MTDH: variants seen among roughly 807,000 people sequenced by gnomAD.
MTDH encodes the protein metadherin, also known as protein LYRIC.
In MTDH, 34 loss-of-function variants were observed where a neutral mutation model predicts 72.7. That is an observed-to-expected ratio of 0.47 (90% CI 0.36 to 0.62). The LOEUF is 0.62. Ranked by LOEUF, MTDH falls within the 20% of genes least tolerant of loss-of-function variation. The pLI is 0.00. For synonymous variants in MTDH, 266 were observed against 268.9 expected (o/e 0.99, Z 0.10); for missense variants, 677 against 699.4 (o/e 0.97, Z 0.36).
intron 6 of MTDH, among the ~76,000 whole-genome samples, chr8:97,695,892 T>A (rs1460845213): frequency 6.6e-6 from 1 of 152,200 alleles, no homozygotes; most frequent in Non-Finnish European, 1.5e-5. Context: ...ATAATGCAGC[T>A]TGGTATAGTG....
intron 7 of MTDH, among the ~76,000 whole-genome samples, chr8:97,700,453 C>G (rs1563556798): frequency 6.6e-6 from 1 of 152,008 alleles, no homozygotes; most frequent in Non-Finnish European, 1.5e-5. Context: ...CTTATATGTT[C>G]CCTGTGGGGT....
chr8:97,667,319 T>C (rs2130947723), intron 2 of MTDH, among the ~76,000 whole-genome samples: 1 of 152,374 alleles, frequency 6.6e-6, no homozygotes, highest in Non-Finnish European at 1.5e-5. Context: ...AAAATGCTAG[T>C]TTCACTTGAG....
Position 97,689,022 on chromosome 8 carries a change from T to C in MTDH, c.746-16T>C. On this transcript the variant is annotated splice_polypyrimidine_tract_variant and intron_variant, in intron 4 of 11. Transcript: ENST00000336273. ...CCTATTTAGTATTAAATAAATTTTA[T>C]TTCTATTTTAACCAGGTGATTCTCA... 7.0e-7 allele frequency: 1 copy of C among 1,435,950 alleles called. No homozygotes were observed. The highest frequency in any genetic ancestry group is 9.6e-7 in the Non-Finnish European group (1 of 1,038,570). The allele number at this position is 1,435,950 out of a possible 1,614,324, so 89.0% of individuals were successfully genotyped here.
chr8:97,726,185 A>G lies in MTDH; in HGVS notation c.*1515A>G, dbSNP rs1039888693. ...TTATTAATGGACAGCTTTCCTAACAAGAGATTATTAACTTTTATCAGGTGT... is the reference window on the plus strand; with the variant it reads ...TTATTAATGGACAGCTTTCCTAACAGGAGATTATTAACTTTTATCAGGTGT... On this transcript the variant is annotated 3_prime_UTR_variant, in exon 12 of 12. Transcript: ENST00000336273. 6.5e-6 allele frequency: 1 copy of G among 152,680 alleles called. No homozygotes were observed. Among genetic ancestry groups the G allele is most frequent in the Admixed American group, 6.5e-5 (1 of 15,278 alleles). The allele number at this position is 152,680 out of a possible 1,614,324, so 9.5% of individuals were successfully genotyped here. A position where few individuals can be genotyped will look rare whatever the true frequency, so the allele number is the denominator to read the frequency against.
At chr8:97,647,770 C>G (rs888367803) in intron 1 of MTDH, among the ~76,000 whole-genome samples, 1 of 152,098 alleles carries the variant, frequency 6.6e-6, no homozygotes, top group Non-Finnish European at 1.5e-5. Context: ...TGCAATGAGT[C>G]ACTTTGAATG....
intron 3 of MTDH, among the ~76,000 whole-genome samples, chr8:97,687,165 G>A (rs992160806): frequency 6.6e-6 from 1 of 151,968 alleles, no homozygotes; most frequent in African/African-American, 2.4e-5. Context: ...TAGACAAGAT[G>A]ACTTATATAT....
At chr8:97,663,575 C>T (rs888426041) in intron 2 of MTDH, among the ~76,000 whole-genome samples, 5 of 151,660 alleles carry the variant, frequency 3.3e-5, no homozygotes, top group Middle Eastern at 3.2e-3. Flanking sequence ...GGTGAAACCC[C>T]GTCTCTACTA....
intron 6 of MTDH, among the ~76,000 whole-genome samples, chr8:97,698,982 AT>A (rs1480065623): frequency 6.6e-6 from 1 of 151,666 alleles, no homozygotes; most frequent in Non-Finnish European, 1.5e-5. Flanking sequence ...TCTACGAAAA[AT>A]TTTTTAAAAA....
At chr8:97,712,856 T>C (rs79313347) in intron 8 of MTDH, among the ~76,000 whole-genome samples, 2,740 of 152,272 alleles carry the variant, frequency 0.018, 42 homozygotes, top group African/African-American at 0.036. Flanking sequence ...GTCTTTTGCA[T>C]ATTTTCTAAG....
At chr8:97,661,660 G>A (rs759082899) in intron 2 of MTDH, among the ~76,000 whole-genome samples, 2 of 152,118 alleles carry the variant, frequency 1.3e-5, no homozygotes, top group Non-Finnish European at 2.9e-5. Flanking sequence ...AAGAAAATGT[G>A]GGCCAGGTGC....
intron 1 of MTDH, among the ~76,000 whole-genome samples, chr8:97,653,519 C>G (rs1465004861): frequency 1.3e-5 from 2 of 152,206 alleles, no homozygotes; most frequent in East Asian, 1.9e-4. Context: ...TTCATCTTTT[C>G]TTTTCATTCT....
In MTDH at chr8:97,691,059, G is replaced by A. The variant is rs150963816; in HGVS notation, c.919G>A (p.Val307Ile). Residue 307 changes from valine (V) to isoleucine (I), a missense_variant, in exon 6 of 12, where the codon GTT becomes ATT. Around this residue, in one of 3 missense-constraint regions of MTDH, gnomAD observed 467 missense variants for 469.1 expected, o/e 1.00. Transcript: ENST00000336273. Reference protein sequence around the residue: ...ISAGEEKWNSVSPASAGKRKT... With the variant: ...ISAGEEKWNSISPASAGKRKT... ...TGCAGGTGAGGAGAAGTGGAACTCC[G>A]TTTCACCTGCTTCTGCAGGAAAGAG... The A allele has an allele frequency of 6.2e-6, 10 of 1,613,976 alleles. No homozygotes were observed. The highest frequency in any genetic ancestry group is 1.3e-5 in the African/African-American group (1 of 74,918).
chr8:97,673,677 G>T (rs372252091), intron 2 of MTDH, among the ~76,000 whole-genome samples: 129 of 149,658 alleles, frequency 8.6e-4, no homozygotes, highest in Non-Finnish European at 1.4e-3. Context: ...GGCGGGGAAG[G>T]GGGGGCACAG....
In MTDH at chr8:97,644,772, G is replaced by C. The variant is rs2130899307; in HGVS notation, c.266G>C (p.Arg89Pro). Reference sequence around the variant, plus strand: ...AAGCGGAGGAGCCCGCCCCGCAAGCGGGAGGAGGCGGCGGCCGTGCCGGCC... The same window carrying C: ...AAGCGGAGGAGCCCGCCCCGCAAGCCGGAGGAGGCGGCGGCCGTGCCGGCC... ...RKKRRSPPRK[R>P]EEAAAVPAAA... Residue 89 changes from arginine to proline, a missense_variant, in exon 1 of 12, where the codon CGG (arginine) becomes CCG (proline). Transcript: ENST00000336273. 2 of 1,551,190 alleles carry C rather than the reference G, an allele frequency of 1.3e-6. No homozygotes were observed. The highest frequency in any genetic ancestry group is 1.7e-6 in the Non-Finnish European group (2 of 1,158,924).
chr8:97,699,865 A>T lies in MTDH; in HGVS notation c.1147+13A>T, dbSNP rs1586262779. On this transcript the variant is annotated intron_variant, in intron 7 of 11. Coordinates refer to ENST00000336273, the MANE Select transcript of MTDH (RefSeq NM_178812.4). ...TGGTCTGGGTTAAGTATGTCCTTTTAAAAATTATCAGTTATTTTTTTTCAG... is the reference window on the plus strand; with the variant it reads ...TGGTCTGGGTTAAGTATGTCCTTTTTAAAATTATCAGTTATTTTTTTTCAG... The T allele has an allele frequency of 6.5e-7, 1 of 1,549,196 alleles. No homozygotes were observed. The highest frequency in any genetic ancestry group is 2.3e-5 in the East Asian group (1 of 44,138).
chr8:97,651,245 T>C (rs781081031), intron 1 of MTDH, among the ~76,000 whole-genome samples: 1 of 152,238 alleles, frequency 6.6e-6, no homozygotes, highest in African/African-American at 2.4e-5. Context: ...TAAAGACATT[T>C]AATTTAATTG....
rs766819432 is a variant in MTDH at position 97,661,005 on chromosome 8, G to A, written c.382-67G>A. 11 of 1,262,452 alleles carry A rather than the reference G, an allele frequency of 8.7e-6. No homozygotes were observed. In the Admixed American group the frequency reaches 1.3e-4, roughly 15 times the overall value. The allele number at this position is 1,262,452 out of a possible 1,614,324, so 78.2% of individuals were successfully genotyped here. A position where few individuals can be genotyped will look rare whatever the true frequency, so the allele number is the denominator to read the frequency against. ...TTGATTGTAGTATATATGGTTTCCT[G>A]CGTATAAATCTTTGCACTGATCTGC... On this transcript the variant is annotated intron_variant, in intron 1 of 11. Coordinates refer to ENST00000336273, the MANE Select transcript of MTDH (RefSeq NM_178812.4).
intron 7 of MTDH, among the ~76,000 whole-genome samples, chr8:97,700,071 TC>T (rs1329699677): frequency 6.6e-6 from 1 of 152,214 alleles, no homozygotes; most frequent in Non-Finnish European, 1.5e-5. Flanking sequence ...AACAAAGTTT[TC>T]TTCTAGTTGC....
chr8:97,693,839 CT>C (rs1813716994), intron 6 of MTDH, among the ~76,000 whole-genome samples: 1 of 152,072 alleles, frequency 6.6e-6, no homozygotes, highest in African/African-American at 2.4e-5. Context: ...CCTTAGCCTT[CT>C]TAGTAGCTGG....
Sources: gnomAD v4.1 joint callset for allele counts (sites outside exome capture counted in the v4.1 genomes callset) on GRCh38, gnomAD v4.1.1 for gene constraint, gnomAD v4.1.1 regional missense constraint, MANE v1.5 for transcripts, NCBI Gene and HGNC (gene_info 2026-07-23, HGNC 2026-07-21) for gene names.